Variants in DDX10 observed in about 807,000 individuals in gnomAD.
DDX10 encodes DEAD-box helicase 10, also known as probable ATP-dependent RNA helicase DDX10.
Under a neutral mutation model 104.3 loss-of-function variants are expected in DDX10, and 74 were observed. The observed-to-expected ratio is 0.71, with a 90% CI of 0.59 to 0.86. The LOEUF (loss-of-function observed/expected upper bound fraction) is 0.86, where lower values mean the gene tolerates loss of function less well. Ranked by LOEUF, DDX10 falls within the 40% of genes least tolerant of loss-of-function variation. The probability of loss-of-function intolerance (pLI) is 0.00; values close to 1 mark genes in which losing one functional copy is unlikely to be tolerated. For missense variants in DDX10, 952 were observed against 1,040.0 expected (o/e 0.92, Z 1.16); for synonymous variants, 351 against 353.4 (o/e 0.99, Z 0.08).
chr11:108,808,208 G>GT (rs977189032), intron 13 of DDX10, among the ~76,000 whole-genome samples: 1 of 151,906 alleles, frequency 6.6e-6, no homozygotes, highest in Non-Finnish European at 1.5e-5. Context: ...AATTTGCGGA[G>GT]TTTTTTTTAC....
chr11:108,761,195 C>T (rs1490090573), intron 13 of DDX10, among the ~76,000 whole-genome samples: 1 of 152,046 alleles, frequency 6.6e-6, no homozygotes, highest in Non-Finnish European at 1.5e-5. Context: ...AAGCATCCAT[C>T]AAAAATGAGA....
intron 16 of DDX10, among the ~76,000 whole-genome samples, chr11:108,879,461 A>G (rs910765767): frequency 3.3e-5 from 5 of 152,240 alleles, no homozygotes; most frequent in African/African-American, 9.6e-5. Flanking sequence ...TAATATAGGT[A>G]TAATATAATT....
chr11:108,723,293 C>T lies in DDX10; in HGVS notation c.1796C>T (p.Ala599Val). 1 of 1,613,662 alleles carries T rather than the reference C, an allele frequency of 6.2e-7. No homozygotes were observed. Among genetic ancestry groups the T allele is most frequent in the South Asian group, 1.1e-5 (1 of 91,032 alleles). Residue 599 changes from alanine (A) to valine (V), a missense_variant, in exon 13 of 18, where the codon GCA (alanine) becomes GTA (valine). Coordinates refer to ENST00000322536, the MANE Select transcript of DDX10 (RefSeq NM_004398.4). ...GAAATGGAAGAGAAACTGGCAAAAG[C>T]AAAAGGATCTCAAGCCCCATCTCTT... ...EEEMEEKLAK[A>V]KGSQAPSLPN... is the part of the protein sequence containing the mutation.
At chr11:108,701,305 C>T (rs2094267544) in intron 9 of DDX10, among the ~76,000 whole-genome samples, 1 of 152,032 alleles carries the variant, frequency 6.6e-6, no homozygotes, top group Non-Finnish European at 1.5e-5. Flanking sequence ...CACTGTTCTC[C>T]CCCAGTGACA....
chr11:108,856,092 G>A (rs1381687595), intron 16 of DDX10, among the ~76,000 whole-genome samples: 2 of 152,144 alleles, frequency 1.3e-5, no homozygotes, highest in Middle Eastern at 3.2e-3. Flanking sequence ...GTTGAAGTTA[G>A]AGCTCTCAGA....
At chr11:108,700,875 T>A (rs886195433) in intron 9 of DDX10, among the ~76,000 whole-genome samples, 6 of 152,186 alleles carry the variant, frequency 3.9e-5, no homozygotes, top group Non-Finnish European at 8.8e-5. Context: ...TTTTTTTTTT[T>A]TAATTCTTTT....
intron 9 of DDX10, among the ~76,000 whole-genome samples, chr11:108,699,691 G>C (rs2094264747): frequency 6.6e-6 from 1 of 152,148 alleles, no homozygotes; most frequent in African/African-American, 2.4e-5. Context: ...CCTTGTAGGG[G>C]GACTACACAA....
intron 13 of DDX10, among the ~76,000 whole-genome samples, chr11:108,724,804 T>C (rs2094303118): frequency 6.6e-6 from 1 of 152,064 alleles, no homozygotes; most frequent in South Asian, 2.1e-4. Flanking sequence ...TCATCTGGCA[T>C]TTGAAAAATG....
At chr11:108,791,184 C>T (rs1026592157) in intron 13 of DDX10, among the ~76,000 whole-genome samples, 2 of 152,194 alleles carry the variant, frequency 1.3e-5, no homozygotes, top group Non-Finnish European at 2.9e-5. Flanking sequence ...CCACAGCTAC[C>T]ATGCTGTGGG....
At chr11:108,857,053 G>A (rs933083856) in intron 16 of DDX10, among the ~76,000 whole-genome samples, 1 of 152,118 alleles carries the variant, frequency 6.6e-6, no homozygotes, top group South Asian at 2.1e-4. Context: ...AATAAGTTAG[G>A]GCTGAAAGCA....
chr11:108,701,997 T>C (rs2094268994), intron 9 of DDX10, among the ~76,000 whole-genome samples: 1 of 152,156 alleles, frequency 6.6e-6, no homozygotes, highest in Non-Finnish European at 1.5e-5. Flanking sequence ...TTTGGAGTTT[T>C]ATCTGCTGAA....
intron 13 of DDX10, among the ~76,000 whole-genome samples, chr11:108,761,106 GCTTTTATTATGGAGTGTGTTATAAT>G (rs1341749627): frequency 6.6e-6 from 1 of 151,990 alleles, no homozygotes; most frequent in African/African-American, 2.4e-5. Context: ...CATCACTTCT[GCTTTTATTATGGAGTGTGTTATAAT>G]CTCCAAGGAC....
intron 16 of DDX10, among the ~76,000 whole-genome samples, chr11:108,882,447 C>T (rs898397638): frequency 6.6e-6 from 1 of 152,152 alleles, no homozygotes; most frequent in Non-Finnish European, 1.5e-5. Context: ...AGCACCTAGT[C>T]AATGAATGTT....
rs917726934 is a variant in DDX10 at position 108,925,783 on chromosome 11, A to T, written c.2450+7765A>T. On this transcript the variant is annotated intron_variant, in intron 17 of 17. Coordinates refer to ENST00000322536, the MANE Select transcript of DDX10 (RefSeq NM_004398.4). ...TAAGTAATTTTTAAAAATTGTTAGTAAATTTTTTAAAGATCGTACCCATGC... is the reference window on the plus strand; with the variant it reads ...TAAGTAATTTTTAAAAATTGTTAGTTAATTTTTTAAAGATCGTACCCATGC... 9.9e-5 allele frequency among the ~76,000 whole-genome samples: 15 copies of T among 152,078 alleles called. 1 individual carries two copies. The highest frequency in any genetic ancestry group is 4.4e-5 in the Non-Finnish European group (3 of 68,026).
intron 16 of DDX10, among the ~76,000 whole-genome samples, chr11:108,911,556 C>CTTTTTTTTTTT (rs869132450): frequency 7.9e-5 from 5 of 63,690 alleles, no homozygotes; most frequent in Admixed American, 4.2e-4. Flanking sequence ...GCCTCCTCTT[C>CTTTTTTTTTTT]TTTTTTTTTT....
chr11:108,784,558 C>T (rs955600410), intron 13 of DDX10, among the ~76,000 whole-genome samples: 7 of 151,930 alleles, frequency 4.6e-5, no homozygotes, highest in Non-Finnish European at 7.4e-5. Flanking sequence ...TTTTGCTTGT[C>T]GTTTTAAGTT....
chr11:108,902,420 G>A (rs1395138794), intron 16 of DDX10, among the ~76,000 whole-genome samples: 2 of 152,118 alleles, frequency 1.3e-5, no homozygotes, highest in African/African-American at 2.4e-5. Flanking sequence ...AATGAGAAGA[G>A]GGTGGACTTT....
At position 108,884,475 on chromosome 11, in the gene DDX10, T is replaced by C. The variant is rs935940116; in HGVS notation, c.2304+32266T>C. Among the ~76,000 whole-genome samples, 9 of 152,326 alleles carry C rather than the reference T, an allele frequency of 5.9e-5. 1 individual carries two copies. The highest frequency in any genetic ancestry group is 6.8e-3 in the Middle Eastern group (2 of 294). On this transcript the variant is annotated intron_variant, in intron 16 of 17. Coordinates refer to ENST00000322536, the MANE Select transcript of DDX10 (RefSeq NM_004398.4). ...CCCTCCTCCCGTAACTATTGATGGC[T>C]ACCTACCAATTACCTGCTAATTAAT...
At position 108,677,145 on chromosome 11, in the gene DDX10, A is replaced by T; in HGVS notation, c.439A>T (p.Ile147Leu). 4 of 1,613,832 alleles carry T rather than the reference A, an allele frequency of 2.5e-6. No homozygotes were observed. Among genetic ancestry groups the T allele is most frequent in the Non-Finnish European group, 3.4e-6 (4 of 1,179,900 alleles). The change falls in exon 4 of 18, where the codon ATA (isoleucine) becomes TTA (leucine). Residue 147 changes from isoleucine to leucine, a missense_variant. By Grantham distance (5) the Ile-to-Leu change is conservative. This residue lies in a region of DDX10 where 412 missense variants were observed against 479.2 expected (regional missense o/e 0.86). Transcript: ENST00000322536. Reference protein sequence around the residue: ...TSTDGLGVLIISPTRELAYQT... With the variant: ...TSTDGLGVLILSPTRELAYQT... ...AACAGATGGGCTGGGGGTTCTCATA[A>T]TATCACCTACGAGAGAACTGGCCTA... is the stretch of plus-strand genomic sequence containing the variant.
Sources: gnomAD v4.1 joint callset for allele counts (sites outside exome capture counted in the v4.1 genomes callset) on GRCh38, gnomAD v4.1.1 for gene constraint, gnomAD v4.1.1 regional missense constraint, MANE v1.5 for transcripts, NCBI Gene and HGNC (gene_info 2026-07-23, HGNC 2026-07-21) for gene names.